The following DPEP2 variants were observed in gnomAD, a reference collection of about 807,000 sequenced individuals.
The protein encoded by DPEP2 is dipeptidase 2.
Under a neutral mutation model 51.8 loss-of-function variants are expected in DPEP2, and 45 were observed. The ratio of observed to expected loss-of-function variants is 0.87; its 90% CI spans 0.68 to 1.11. The LOEUF (loss-of-function observed/expected upper bound fraction) is 1.11, where lower values mean the gene tolerates loss of function less well. Among genes scored for constraint, DPEP2 ranks in the 50% most tolerant of loss-of-function variants. DPEP2 has a pLI of 0.00. For missense variants in DPEP2, 604 were observed against 631.9 expected, an observed-to-expected ratio of 0.96 and a Z score of 0.47; for synonymous variants, 255 against 262.7, an observed-to-expected ratio of 0.97 and a Z score of 0.28.
chr16:67,992,514 G>C lies in DPEP2; in HGVS notation c.386C>G (p.Ala129Gly). The stretch of plus-strand genomic sequence containing the variant: ...CCTCGTGTATCCCTGTGGTACCTGG[G>C]CGCCCACGAGGCCATCTCTAAGCCT... ...LDRLRDGLVG[A>G]QFWSAYVPCQ... Residue 129 changes from alanine to glycine, a missense_variant, in exon 3 of 11, where the codon GCC becomes GGC. Transcript: ENST00000393847. 1 of 1,610,598 alleles carries C rather than the reference G, an allele frequency of 6.2e-7. No homozygotes were observed. The highest frequency in any genetic ancestry group is 8.5e-7 in the Non-Finnish European group (1 of 1,177,546).
chr16:67,999,501 G>A, upstream of DPEP2: 2 of 986,970 alleles, frequency 2.0e-6, no homozygotes, highest in Non-Finnish European at 2.4e-6. Context: ...TCCCCTGCAA[G>A]GGGGAGGGCA....
Position 67,992,982 on chromosome 16 carries a change from C to T in DPEP2, c.231G>A (p.Arg77=). Residue 77 remains arginine (R), a synonymous_variant, in exon 2 of 11, where the codon CGG becomes CGA. Coordinates refer to ENST00000393847, the MANE Select transcript of DPEP2 (RefSeq NM_022355.4). ...PSTQGLQEQA[R]ALMRDFPLVD... ...CGAGCGGGAAGTCCCGCATCAGGGC[C>T]CGTGCCTGCTCTTGCAGGCCCTGGG... 1 of 1,611,256 alleles carries T rather than the reference C, an allele frequency of 6.2e-7. No homozygotes were observed. Among genetic ancestry groups the T allele is most frequent in the Non-Finnish European group, 8.5e-7 (1 of 1,178,764 alleles).
intron 1 of DPEP2, 144 bp from the exon 2 acceptor site, chr16:67,993,401 T>A: frequency 7.9e-7 from 1 of 1,262,794 alleles, no homozygotes; most frequent in South Asian, 2.9e-5. Context: ...CACCGCCCAG[T>A]ACGGCCACCA....
intron 1 of DPEP2, among the ~76,000 whole-genome samples, chr16:67,996,483 G>T (rs1332889520): frequency 6.6e-6 from 1 of 151,892 alleles, no homozygotes; most frequent in Non-Finnish European, 1.5e-5. Flanking sequence ...CTGGGTTCAA[G>T]TGATTCTCCT....
intron 1 of DPEP2, among the ~76,000 whole-genome samples, chr16:67,996,168 C>G (rs916683799): frequency 1.3e-5 from 2 of 150,904 alleles, no homozygotes; most frequent in Non-Finnish European, 2.9e-5. Context: ...CCTCCCGAGT[C>G]TGGGACTACA....
rs2032406469 is a variant in DPEP2 at position 67,993,181 on chromosome 16, G to A, written c.32C>T (p.Thr11Met). The A allele has an allele frequency of 6.7e-7, 1 of 1,488,432 alleles. No individual in the cohort carries two copies. The highest frequency in any genetic ancestry group is 9.0e-7 in the Non-Finnish European group (1 of 1,115,520). The allele number at this position is 1,488,432 out of a possible 1,614,324, so 92.2% of individuals were successfully genotyped here. A position where few individuals can be genotyped will look rare whatever the true frequency, so the allele number is the denominator to read the frequency against. Reference protein sequence around the residue: MQPSGLEGPGTFGRWPLLSLL... With the variant: MQPSGLEGPGMFGRWPLLSLL... Reference sequence around the variant, plus strand: ...ACTCAGCAGAGGCCACCGACCAAACGTGCCGGGACCCTCGAGGCCGGAGGG... The same window carrying A: ...ACTCAGCAGAGGCCACCGACCAAACATGCCGGGACCCTCGAGGCCGGAGGG... Residue 11 changes from threonine to methionine, a missense_variant, in exon 2 of 11, where the codon ACG becomes ATG. Transcript: ENST00000393847.
Position 67,993,062 on chromosome 16 carries a change from C to T in DPEP2, c.151G>A (p.Ala51Thr), listed in dbSNP as rs201209256. 6 of 1,576,774 alleles carry T rather than the reference C, an allele frequency of 3.8e-6. No homozygotes were observed. In the African/African-American group the frequency reaches 5.4e-5, roughly 14 times the overall value. Residue 51 changes from alanine to threonine, a missense_variant, in exon 2 of 11, where the codon GCC (alanine) becomes ACC (threonine). By Grantham distance (58) the Ala-to-Thr change is moderately conservative. Coordinates refer to ENST00000393847, the MANE Select transcript of DPEP2 (RefSeq NM_022355.4). ...GCGTAGGTGCCCGGCATGGTGTGGG[C>T]TCTGGGGGCGCCCAGCGTGGTGAGG... ...RALTTLGAPR[A>T]HTMPGTYAPS...
chr16:67,994,278 T>C (rs1460415437), intron 1 of DPEP2: 2 of 985,456 alleles, frequency 2.0e-6, no homozygotes, highest in Admixed American at 6.2e-5. Flanking sequence ...ACCTGGGTTC[T>C]GCAGCCACAC....
At chr16:67,997,933 A>T (rs1598282896) in intron 1 of DPEP2, among the ~76,000 whole-genome samples, 1 of 151,922 alleles carries the variant, frequency 6.6e-6, no homozygotes, top group Non-Finnish European at 1.5e-5. Flanking sequence ...CCTTGTTTCC[A>T]CTCTGCCCAC....
rs570093752 is a variant in DPEP2, at chr16:67,992,902, C to A, written c.263+48G>T. On this transcript the variant is annotated intron_variant, in intron 2 of 10. Coordinates refer to ENST00000393847, the MANE Select transcript of DPEP2 (RefSeq NM_022355.4). ...CTGCATACTCTGGGACCCTCCCTTG[C>A]CCAGGAGTGTGCTCAGCTCCCATCG... The A allele has an allele frequency of 7.8e-5, 123 of 1,567,878 alleles. 2 individuals are homozygous for A. The South Asian group carries it at 1.3e-3, about 17-fold the overall frequency.
At chr16:67,992,223 T>C (rs73596365) in intron 3 of DPEP2, 30 bp from the exon 4 acceptor site, 98,509 of 1,610,652 alleles carry the variant, frequency 0.061, 4,199 homozygotes, top group African/African-American at 0.21. Flanking sequence ...TTGGCTTGGA[T>C]GGGGGCTGCT....
In DPEP2 at chr16:67,992,589, A is replaced by G. The variant is rs1399856858; in HGVS notation, c.311T>C (p.Leu104Pro). The G allele has an allele frequency of 6.2e-7, 1 of 1,614,160 alleles. No individual in the cohort carries two copies. Among genetic ancestry groups the G allele is most frequent in the Non-Finnish European group, 8.5e-7 (1 of 1,179,992 alleles). Residue 104 changes from leucine (L) to proline (P), a missense_variant, in exon 3 of 11, where the codon CTA becomes CCA. Leu to Pro is a moderately conservative substitution (Grantham distance 98). Coordinates refer to ENST00000393847, the MANE Select transcript of DPEP2 (RefSeq NM_022355.4). The part of the protein sequence containing the change: ...LVLRQVYQKG[L>P]QDVNLRNFSY... ...GAAATTGCGCAGGTTAACATCCTGT[A>G]GCCCTTTCTGGTAAACCTGCCTTAG...
chr16:67,996,657 T>G (rs1366454296), intron 1 of DPEP2, among the ~76,000 whole-genome samples: 2 of 151,962 alleles, frequency 1.3e-5, no homozygotes, highest in African/African-American at 2.4e-5. Flanking sequence ...GCTGGGATTA[T>G]AGGTGTGAGC....
At chr16:67,989,552 C>T (rs1472369167) in intron 8 of DPEP2, among the ~76,000 whole-genome samples, 154 bp from the exon 9 acceptor site, 1 of 152,178 alleles carries the variant, frequency 6.6e-6, no homozygotes, top group Non-Finnish European at 1.5e-5. Context: ...ACCTGAGAAC[C>T]CTGAGGTTTG....
rs200198109 is a variant in DPEP2 at position 67,990,141 on chromosome 16, C to A, written c.910-10G>T. ...CGCCACCGTTCTTCTTCTGCAGGGGCGGGCAAGTGGACACTTAGCCTGGCC... is the reference window on the plus strand; with the variant it reads ...CGCCACCGTTCTTCTTCTGCAGGGGAGGGCAAGTGGACACTTAGCCTGGCC... On this transcript the variant is annotated splice_polypyrimidine_tract_variant and intron_variant, in intron 7 of 10. Coordinates refer to ENST00000393847, the MANE Select transcript of DPEP2 (RefSeq NM_022355.4). The A allele has an allele frequency of 6.2e-7, 1 of 1,613,566 alleles. No homozygotes were observed. Among genetic ancestry groups the A allele is most frequent in the Admixed American group, 1.7e-5 (1 of 59,986 alleles).
Position 67,987,695 on chromosome 16 carries a change from A to G in DPEP2, c.1272T>C (p.Ser424=). The change falls in exon 11 of 11, where the codon AGT becomes AGC. Residue 424 remains serine (S), a synonymous_variant. Coordinates refer to ENST00000393847, the MANE Select transcript of DPEP2 (RefSeq NM_022355.4). Reference sequence around the variant, plus strand: ...GACGTGAGAGGTCGGAGTGGCAGGAACTGCTCAGCTGCTCATCCGGGAACT... The same window carrying G: ...GACGTGAGAGGTCGGAGTGGCAGGAGCTGCTCAGCTGCTCATCCGGGAACT... ...EDKFPDEQLS[S]SCHSDLSRLR... 1 of 1,614,182 alleles carries G rather than the reference A, an allele frequency of 6.2e-7. No homozygotes were observed. The highest frequency in any genetic ancestry group is 1.1e-5 in the South Asian group (1 of 91,082).
intron 1 of DPEP2, among the ~76,000 whole-genome samples, chr16:67,997,274 C>T (rs2151390726): frequency 6.6e-6 from 1 of 152,030 alleles, no homozygotes; most frequent in African/African-American, 2.4e-5. Flanking sequence ...CTCAGGTGAT[C>T]CGCCTGCCTT....
In DPEP2 at chr16:67,987,700, T is replaced by C. The variant is rs2031567311; in HGVS notation, c.1267A>G (p.Ser423Gly). 1.2e-6 allele frequency: 2 copies of C among 1,614,100 alleles called. No individual in the cohort carries two copies. Among genetic ancestry groups the C allele is most frequent in the Non-Finnish European group, 1.7e-6 (2 of 1,180,042 alleles). ...LEDKFPDEQLSSSCHSDLSRL... is the reference protein window; with the variant it reads ...LEDKFPDEQLGSSCHSDLSRL... ...GAGAGGTCGGAGTGGCAGGAACTGC[T>C]CAGCTGCTCATCCGGGAACTTGTCC... The change falls in exon 11 of 11, where the codon AGC (serine) becomes GGC (glycine). Residue 423 changes from serine (S) to glycine (G), a missense_variant. Coordinates refer to ENST00000393847, the MANE Select transcript of DPEP2 (RefSeq NM_022355.4).
intron 9 of DPEP2, among the ~76,000 whole-genome samples, chr16:67,989,103 C>T (rs932382630): frequency 1.3e-5 from 2 of 152,126 alleles, no homozygotes; most frequent in African/African-American, 4.8e-5. Flanking sequence ...GTCTCCTGGG[C>T]TTGGGGGTAC....
Sources: allele counts gnomAD v4.1 joint callset (sites outside exome capture counted in the v4.1 genomes callset), GRCh38; gene constraint gnomAD v4.1.1; transcripts MANE v1.5; gene names NCBI Gene and HGNC (gene_info 2026-07-23, HGNC 2026-07-21).